The following NCAPD3 variants were observed in gnomAD, a reference collection of about 807,000 sequenced individuals.
The protein encoded by NCAPD3 is non-SMC condensin II complex subunit D3.
NCAPD3 carries 105 observed loss-of-function variants against 182.9 expected under a neutral mutation model. That is an observed-to-expected ratio of 0.57 (90% CI 0.49 to 0.68). NCAPD3 has a LOEUF of 0.68. Ranked by LOEUF, NCAPD3 falls within the 30% of genes least tolerant of loss-of-function variation. The pLI, the probability that NCAPD3 is intolerant of heterozygous loss-of-function variation, is 0.00. For missense variants in NCAPD3, 1,944 were observed against 1,837.0 expected, an observed-to-expected ratio of 1.06 and a Z score of -1.07; for synonymous variants, 815 against 679.9, an observed-to-expected ratio of 1.20 and a Z score of -3.09.
intron 16 of NCAPD3, among the ~76,000 whole-genome samples, chr11:134,187,120 C>T (rs1273892096): frequency 6.6e-6 from 1 of 152,174 alleles, no homozygotes; most frequent in Admixed American, 6.5e-5. Context: ...AGGGCCACAG[C>T]CATTCCCCAC....
Position 134,150,613 on chromosome 11 carries a change from G to C in NCAPD3, c.*2331C>G, listed in dbSNP as rs1840584323. ...AACAGACCTCTTTTTGGTTATGGAT[G>C]GCTCACAAAATAGGGCCCCCAATGC... On this transcript the variant is annotated 3_prime_UTR_variant, in exon 35 of 35. Coordinates refer to ENST00000534548, the MANE Select transcript of NCAPD3 (RefSeq NM_015261.3). The C allele has an allele frequency of 6.6e-6, 1 of 152,152 alleles. No individual in the cohort carries two copies. Among genetic ancestry groups the C allele is most frequent in the East Asian group, 1.9e-4 (1 of 5,174 alleles). The allele number at this position is 152,152 out of a possible 1,614,324, so 9.4% of individuals were successfully genotyped here.
chr11:134,200,257 C>T (rs972682685), intron 13 of NCAPD3, among the ~76,000 whole-genome samples: 2 of 152,048 alleles, frequency 1.3e-5, no homozygotes, highest in Admixed American at 1.3e-4. Flanking sequence ...TGGACTTCAT[C>T]AAAATTAAAA....
intron 20 of NCAPD3, 112 bp from the exon 21 acceptor site, chr11:134,179,048 T>C: frequency 2.8e-6 from 2 of 712,066 alleles, no homozygotes; most frequent in Admixed American, 2.7e-5. Flanking sequence ...TTTAAAACAA[T>C]GTTACTAGTT....
chr11:134,178,635 TA>T lies in NCAPD3; in HGVS notation c.2780del (p.Leu927Ter). The T allele has an allele frequency of 6.5e-7, 1 of 1,540,388 alleles. No individual in the cohort carries two copies. Among genetic ancestry groups the T allele is most frequent in the Non-Finnish European group, 8.8e-7 (1 of 1,142,404 alleles). ...CCCATTCTCCCATGTTTTTCTTACC[TA>T]AGGTAATGATGGCATGTGCTCTAAT... ...SVIRAHAIIT[L>X]GKLCLQHEDL... On this transcript the variant is annotated frameshift_variant and splice_region_variant, in exon 22 of 35. Coordinates refer to ENST00000534548, the MANE Select transcript of NCAPD3 (RefSeq NM_015261.3). LOFTEE classifies it high-confidence loss of function.
chr11:134,193,957 G>C, intron 15 of NCAPD3, 59 bp downstream of exon 15: 1 of 1,519,068 alleles, frequency 6.6e-7, no homozygotes, highest in Non-Finnish European at 9.0e-7. Flanking sequence ...TAATTATTGT[G>C]TGGAATTACT....
At chr11:134,164,817 G>A (rs554841140) in intron 27 of NCAPD3, among the ~76,000 whole-genome samples, 42 of 148,408 alleles carry the variant, frequency 2.8e-4, no homozygotes, top group South Asian at 6.5e-4. Flanking sequence ...TCACACTCAT[G>A]AAATGACCTT....
At chr11:134,175,989 G>A (rs950981344) in intron 24 of NCAPD3, among the ~76,000 whole-genome samples, 3 of 151,436 alleles carry the variant, frequency 2.0e-5, no homozygotes, top group African/African-American at 7.3e-5. Flanking sequence ...GTTTCTAGTG[G>A]CTGCTACTCT....
At chr11:134,158,580 G>A in intron 29 of NCAPD3, 85 bp from the exon 30 acceptor site, 1 of 1,411,204 alleles carries the variant, frequency 7.1e-7, no homozygotes, top group Non-Finnish European at 9.6e-7. Flanking sequence ...CATGGTTGGG[G>A]GTCCATATGA....
chr11:134,194,590 G>C, intron 14 of NCAPD3, 75 bp downstream of exon 14: 1 of 1,059,388 alleles, frequency 9.4e-7, no homozygotes, highest in Non-Finnish European at 1.4e-6. Flanking sequence ...TATGGCCTAA[G>C]AGTTTAAAAA....
In NCAPD3 at chr11:134,178,749, G is replaced by T; in HGVS notation, c.2675-8C>A. ...TGCCTTGAGATGATGGTGCTGCAAAGAAGGGAGAGAAAGTTACCGACAGAA... is the reference window on the plus strand; with the variant it reads ...TGCCTTGAGATGATGGTGCTGCAAATAAGGGAGAGAAAGTTACCGACAGAA... On this transcript the variant is annotated splice_polypyrimidine_tract_variant and splice_region_variant and intron_variant, in intron 21 of 34. Transcript: ENST00000534548. The T allele has an allele frequency of 1.9e-6, 3 of 1,609,104 alleles. No individual in the cohort carries two copies. The highest frequency in any genetic ancestry group is 2.6e-6 in the Non-Finnish European group (3 of 1,176,092).
intron 3 of NCAPD3, among the ~76,000 whole-genome samples, chr11:134,214,427 T>C (rs1052720067): frequency 2.6e-5 from 4 of 152,162 alleles, no homozygotes; most frequent in African/African-American, 9.6e-5. Context: ...TGGAGGGACA[T>C]TTATAGTATT....
intron 8 of NCAPD3, among the ~76,000 whole-genome samples, chr11:134,205,931 G>A (rs751009118): frequency 2.0e-5 from 3 of 152,058 alleles, no homozygotes; most frequent in Non-Finnish European, 4.4e-5. Flanking sequence ...CACACCCAAG[G>A]CATGCACACA....
chr11:134,205,329 G>T (rs185584861), intron 8 of NCAPD3, among the ~76,000 whole-genome samples: 2 of 151,912 alleles, frequency 1.3e-5, no homozygotes, highest in Non-Finnish European at 2.9e-5. Flanking sequence ...TGGTAGCTCA[G>T]TGAAATGCAT....
chr11:134,201,220 C>T (rs1218767802), intron 13 of NCAPD3, among the ~76,000 whole-genome samples: 1 of 151,886 alleles, frequency 6.6e-6, no homozygotes, highest in African/African-American at 2.4e-5. Flanking sequence ...GACGGGGTTT[C>T]ACCATGTTGG....
rs1181076661 is a variant in NCAPD3, at chr11:134,157,156, AACC to A, written c.4175-64_4175-62del. 2.2e-6 allele frequency: 3 copies of A among 1,355,366 alleles called. No individual in the cohort carries two copies. In the African/African-American group the frequency reaches 4.4e-5, roughly 20 times the overall value. 84.0% of individuals were successfully genotyped at this position (1,355,366 alleles called of 1,614,324 possible). ...CCCAAACAATAACGAAGAGCAAAAC[AACC>A]ACATGAGAAAACATATCTGCAAGAC... is the stretch of plus-strand genomic sequence containing the variant. On this transcript the variant is annotated intron_variant, in intron 31 of 34. Transcript: ENST00000534548.
At chr11:134,218,114 G>A (rs1471385609) in intron 2 of NCAPD3, among the ~76,000 whole-genome samples, 8 of 109,964 alleles carry the variant, frequency 7.3e-5, no homozygotes, top group African/African-American at 1.5e-4. Flanking sequence ...AAAAAAAGGG[G>A]GGGGGGGGAA....
chr11:134,166,015 G>C (rs1460784854), intron 27 of NCAPD3, among the ~76,000 whole-genome samples: 1 of 131,608 alleles, frequency 7.6e-6, no homozygotes, highest in African/African-American at 3.0e-5. Context: ...TCACTTGTGA[G>C]ATGAGCTTGG....
chr11:134,163,685 T>G (rs1366121027), intron 27 of NCAPD3, among the ~76,000 whole-genome samples: 6 of 104,430 alleles, frequency 5.7e-5, no homozygotes, highest in African/African-American at 7.9e-5. Context: ...TGGGCAACAG[T>G]GTGATACTGT....
At chr11:134,181,031 G>T in intron 20 of NCAPD3, 46 bp downstream of exon 20, 1 of 1,415,442 alleles carries the variant, frequency 7.1e-7, no homozygotes, top group Non-Finnish European at 1.0e-6. Context: ...GAACCTCACG[G>T]ATAAAATGGA....
Sources: gnomAD v4.1 joint callset for allele counts (sites outside exome capture counted in the v4.1 genomes callset) on GRCh38, gnomAD v4.1.1 for gene constraint, MANE v1.5 for transcripts, NCBI Gene and HGNC (gene_info 2026-07-23, HGNC 2026-07-21) for gene names.